FAF1: variants seen among roughly 807,000 people sequenced by gnomAD.
FAF1 encodes the protein FAS-associated factor 1.
FAF1 carries 25 observed loss-of-function variants against 92.5 expected under a neutral mutation model. The ratio of observed to expected loss-of-function variants is 0.27; its 90% CI spans 0.20 to 0.38. The LOEUF is 0.38. Among genes scored for constraint, FAF1 ranks in the 10% least tolerant of loss-of-function variants. The pLI is 1.00. For missense variants in FAF1, 636 were observed against 793.3 expected (o/e 0.80, Z 2.38); for synonymous variants, 234 against 273.2 (o/e 0.86, Z 1.42).
At chr1:50,849,667 T>C (rs1378557730) in intron 2 of FAF1, among the ~76,000 whole-genome samples, 2 of 152,176 alleles carry the variant, frequency 1.3e-5, no homozygotes, top group South Asian at 2.1e-4. Flanking sequence ...CTCTAGACTA[T>C]ATAGACTACT....
chr1:50,663,766 GT>G (rs1194392456), intron 7 of FAF1, among the ~76,000 whole-genome samples: 3 of 151,584 alleles, frequency 2.0e-5, no homozygotes, highest in African/African-American at 7.3e-5. Flanking sequence ...TGCCTCTCAA[GT>G]TTACTGATAC....
chr1:50,779,180 G>A (rs1295876121), intron 4 of FAF1, among the ~76,000 whole-genome samples: 1 of 152,100 alleles, frequency 6.6e-6, no homozygotes, highest in African/African-American at 2.4e-5. Context: ...TAATTCTTTT[G>A]CTATTTCTAC....
At chr1:50,753,496 A>G (rs192625143) in intron 4 of FAF1, among the ~76,000 whole-genome samples, 20 of 152,298 alleles carry the variant, frequency 1.3e-4, no homozygotes, top group Non-Finnish European at 2.9e-4. Flanking sequence ...ATTTCTCTTG[A>G]GAACCTATGT....
chr1:50,559,067 A>C (rs1649735150), intron 13 of FAF1, among the ~76,000 whole-genome samples: 1 of 152,176 alleles, frequency 6.6e-6, no homozygotes, highest in South Asian at 2.1e-4. Context: ...CCCGACCTAC[A>C]AGGTGAAACC....
intron 2 of FAF1, among the ~76,000 whole-genome samples, chr1:50,849,857 T>C (rs1335419659): frequency 6.6e-6 from 1 of 152,220 alleles, no homozygotes; most frequent in Non-Finnish European, 1.5e-5. Context: ...TATCATATAA[T>C]GCATTTCCCC....
intron 1 of FAF1, among the ~76,000 whole-genome samples, chr1:50,868,329 T>G (rs1447646220): frequency 4.6e-5 from 7 of 152,080 alleles, no homozygotes; most frequent in Admixed American, 3.3e-4. Context: ...CTATTGAAAT[T>G]TTTTAAAAAA....
At chr1:50,502,393 A>G (rs1557971883) in intron 15 of FAF1, among the ~76,000 whole-genome samples, 1 of 152,206 alleles carries the variant, frequency 6.6e-6, no homozygotes. Flanking sequence ...ACCCATTCAT[A>G]GCTTAGCCCG....
intron 4 of FAF1, among the ~76,000 whole-genome samples, chr1:50,746,336 T>A (rs1569875076): frequency 7.8e-6 from 1 of 127,702 alleles, no homozygotes; most frequent in African/African-American, 3.1e-5. Context: ...AGAGTTTCAC[T>A]CTTGTTGCCC....
intron 3 of FAF1, among the ~76,000 whole-genome samples, chr1:50,796,989 A>T (rs1376422285): frequency 6.6e-6 from 1 of 152,170 alleles, no homozygotes; most frequent in Non-Finnish European, 1.5e-5. Context: ...TAAAAAAATT[A>T]GCCGGGCTTG....
chr1:50,700,821 G>C (rs1657443715), intron 7 of FAF1, among the ~76,000 whole-genome samples: 1 of 152,024 alleles, frequency 6.6e-6, no homozygotes, highest in Non-Finnish European at 1.5e-5. Context: ...GGCCAAAAAA[G>C]ATATCCAATC....
At chr1:50,869,935 C>T (rs1375006062) in intron 1 of FAF1, among the ~76,000 whole-genome samples, 4 of 152,110 alleles carry the variant, frequency 2.6e-5, no homozygotes, top group Admixed American at 2.0e-4. Flanking sequence ...TGGTATATAA[C>T]GTCTAACAAC....
chr1:50,948,300 A>C (rs1051679008), intron 1 of FAF1, among the ~76,000 whole-genome samples: 1 of 152,190 alleles, frequency 6.6e-6, no homozygotes, highest in Non-Finnish European at 1.5e-5. Context: ...GAGGCTGGGT[A>C]ATTTATACAG....
intron 6 of FAF1, among the ~76,000 whole-genome samples, chr1:50,720,056 C>T (rs985120244): frequency 3.3e-5 from 5 of 151,146 alleles, no homozygotes; most frequent in African/African-American, 1.2e-4. Flanking sequence ...GGCTGGAGTG[C>T]AGTGGTGCAA....
intron 1 of FAF1, among the ~76,000 whole-genome samples, chr1:50,955,013 A>C (rs1645254226): frequency 6.6e-6 from 1 of 152,240 alleles, no homozygotes; most frequent in African/African-American, 2.4e-5. Context: ...CCAAAAAGAA[A>C]GAGGTTAAGG....
At chr1:50,725,176 C>T (rs1658591613) in intron 6 of FAF1, among the ~76,000 whole-genome samples, 1 of 152,104 alleles carries the variant, frequency 6.6e-6, no homozygotes. Flanking sequence ...CTGCTAAGAA[C>T]CTTAGAAGAA....
At chr1:50,905,468 C>A (rs1321146071) in intron 1 of FAF1, among the ~76,000 whole-genome samples, 1 of 152,204 alleles carries the variant, frequency 6.6e-6, no homozygotes, top group Admixed American at 6.5e-5. Context: ...ACACTGTCTT[C>A]CACAATGGTT....
chr1:50,709,288 TC>T (rs764034631), intron 6 of FAF1, among the ~76,000 whole-genome samples: 21 of 152,160 alleles, frequency 1.4e-4, no homozygotes, highest in Non-Finnish European at 2.4e-4. Flanking sequence ...TCCTCTGAAT[TC>T]CTATATCACA....
At chr1:50,678,478 T>C (rs559670123) in intron 7 of FAF1, among the ~76,000 whole-genome samples, 151 of 152,284 alleles carry the variant, frequency 9.9e-4, no homozygotes, top group Non-Finnish European at 1.8e-3. Context: ...TAGCCACTAG[T>C]TGCTTTTTAA....
At chr1:50,655,268 C>T (rs1301267774) in intron 8 of FAF1, among the ~76,000 whole-genome samples, 174 bp downstream of exon 8, 8 of 152,174 alleles carry the variant, frequency 5.3e-5, no homozygotes, top group Middle Eastern at 3.2e-3. Flanking sequence ...GTGATCCACA[C>T]GCCTCAGCCT....
Sources: gnomAD v4.1 joint callset for allele counts (sites outside exome capture counted in the v4.1 genomes callset) on GRCh38, gnomAD v4.1.1 for gene constraint, MANE v1.5 for transcripts, NCBI Gene and HGNC (gene_info 2026-07-23, HGNC 2026-07-21) for gene names.